The following PTPN3 variants were observed in gnomAD, a reference collection of about 807,000 sequenced individuals.
The protein encoded by PTPN3 is protein tyrosine phosphatase non-receptor type 3.
In PTPN3, 96 loss-of-function variants were observed where a neutral mutation model predicts 132.7. The observed-to-expected ratio is 0.72, with a 90% CI of 0.61 to 0.86. The LOEUF (loss-of-function observed/expected upper bound fraction) is 0.86. PTPN3 is among the 40% of genes least tolerant of loss of function. The pLI is 0.00. For missense variants in PTPN3, 1,125 were observed against 1,159.6 expected (o/e 0.97, Z 0.43); for synonymous variants, 398 against 429.0 (o/e 0.93, Z 0.89).
At chr9:109,449,680 T>A (rs1205658861) in intron 5 of PTPN3, 1 of 985,330 alleles carries the variant, frequency 1.0e-6, no homozygotes, top group Non-Finnish European at 1.2e-6. Flanking sequence ...CATGCTTTTT[T>A]AAACCCAGAT....
intron 19 of PTPN3, among the ~76,000 whole-genome samples, chr9:109,401,141 C>G (rs150830356): frequency 6.6e-6 from 1 of 152,224 alleles, no homozygotes; most frequent in African/African-American, 2.4e-5. Context: ...ATGAAGGAAA[C>G]GTGTACATGC....
chr9:109,400,476 T>C (rs1371218557), intron 19 of PTPN3, among the ~76,000 whole-genome samples: 1 of 152,200 alleles, frequency 6.6e-6, no homozygotes, highest in Non-Finnish European at 1.5e-5. Context: ...AGAGCCAGGA[T>C]TTAAAATCTG....
chr9:109,436,068 T>C (rs1401054777), intron 9 of PTPN3, among the ~76,000 whole-genome samples: 1 of 152,258 alleles, frequency 6.6e-6, no homozygotes, highest in African/African-American at 2.4e-5. Context: ...AAGGTTTCTA[T>C]GATCACAAGG....
chr9:109,494,168 T>A (rs1272438376), intron 1 of PTPN3, among the ~76,000 whole-genome samples: 10 of 152,216 alleles, frequency 6.6e-5, no homozygotes, highest in Non-Finnish European at 1.2e-4. Flanking sequence ...TCTGCATTAG[T>A]GAACACCAAG....
the PTPN3 span, among the ~76,000 whole-genome samples, chr9:109,506,850 G>A: frequency 3.9e-5 from 6 of 152,208 alleles, no homozygotes; most frequent in South Asian, 4.1e-4. Context: ...CATTCCTCCC[G>A]TCTTGGCTTC....
chr9:109,513,994 A>G, the PTPN3 span, among the ~76,000 whole-genome samples: 5 of 151,428 alleles, frequency 3.3e-5, no homozygotes, highest in East Asian at 1.9e-4. Context: ...TAACAGATCA[A>G]CTCCATCCTA....
intron 1 of PTPN3, among the ~76,000 whole-genome samples, chr9:109,466,629 AC>A: frequency 6.6e-6 from 1 of 152,160 alleles, no homozygotes; most frequent in Non-Finnish European, 1.5e-5. Flanking sequence ...TCTTGATAGG[AC>A]CCAAGAGTCT....
intron 22 of PTPN3, among the ~76,000 whole-genome samples, chr9:109,386,414 C>T (rs934864706): frequency 2.6e-5 from 4 of 152,184 alleles, no homozygotes; most frequent in Admixed American, 1.3e-4. Flanking sequence ...ATAAACATCC[C>T]TGAGGATGCA....
At chr9:109,536,452 A>G in the PTPN3 span, among the ~76,000 whole-genome samples, 1 of 152,240 alleles carries the variant, frequency 6.6e-6, no homozygotes, top group Non-Finnish European at 1.5e-5. Context: ...TTGTGTTACA[A>G]TAATAGAGTA....
intron 7 of PTPN3, among the ~76,000 whole-genome samples, chr9:109,443,371 C>T (rs1844629836): frequency 6.6e-6 from 1 of 152,030 alleles, no homozygotes; most frequent in African/African-American, 2.4e-5. Flanking sequence ...ACCACCATGC[C>T]CAGATAATTC....
intron 1 of PTPN3, among the ~76,000 whole-genome samples, chr9:109,474,714 G>C (rs1047280044): frequency 6.6e-6 from 1 of 152,170 alleles, no homozygotes; most frequent in Non-Finnish European, 1.5e-5. Flanking sequence ...CGAAATCTCA[G>C]GGCGGATAAG....
intron 4 of PTPN3, among the ~76,000 whole-genome samples, chr9:109,455,766 T>C (rs1845529357): frequency 6.6e-6 from 1 of 152,228 alleles, no homozygotes; most frequent in Non-Finnish European, 1.5e-5. Context: ...TATCATAGAA[T>C]GTCGAACCCT....
chr9:109,510,080 G>A, the PTPN3 span, among the ~76,000 whole-genome samples: 2 of 152,212 alleles, frequency 1.3e-5, no homozygotes, highest in African/African-American at 4.8e-5. Context: ...GCAGAGGGAA[G>A]TGTTGGTCCC....
intron 6 of PTPN3, 97 bp downstream of exon 6, chr9:109,448,714 T>C: frequency 8.1e-7 from 1 of 1,231,516 alleles, no homozygotes; most frequent in South Asian, 1.3e-5. Context: ...CCACTCTGTT[T>C]AGATTTGATA....
rs1838570625 is a variant in PTPN3, at chr9:109,376,490, C to T, written c.*3066G>A. The T allele has an allele frequency of 6.6e-6, 1 of 152,210 alleles. No individual in the cohort carries two copies. The highest frequency in any genetic ancestry group is 1.5e-5 in the Non-Finnish European group (1 of 68,048). The allele number at this position is 152,210 out of a possible 1,614,324, so 9.4% of individuals were successfully genotyped here. On this transcript the variant is annotated 3_prime_UTR_variant, in exon 26 of 26. Coordinates refer to ENST00000374541, the MANE Select transcript of PTPN3 (RefSeq NM_002829.4). The stretch of plus-strand genomic sequence containing the variant: ...AACTGTGTGATCCAACCACTGCCCC[C>T]TAACCAAAGTTGCATTTTTTTCTTC...
At chr9:109,453,613 A>T (rs1335367846) in intron 5 of PTPN3, among the ~76,000 whole-genome samples, 1 of 152,132 alleles carries the variant, frequency 6.6e-6, no homozygotes, top group African/African-American at 2.4e-5. Flanking sequence ...TCTTTCCCTT[A>T]TCTGGTTCAC....
chr9:109,428,871 T>C, intron 10 of PTPN3, 187 bp from the exon 11 acceptor site: 1 of 985,424 alleles, frequency 1.0e-6, no homozygotes, highest in Non-Finnish European at 1.2e-6. Context: ...AGTAGCTGAC[T>C]GAAGCTGAGC....
chr9:109,509,559 T>C, the PTPN3 span, among the ~76,000 whole-genome samples: 9 of 152,226 alleles, frequency 5.9e-5, no homozygotes, highest in Non-Finnish European at 8.8e-5. Context: ...TAGCACTTAC[T>C]GAGAGTGTGA....
chr9:109,382,192 G>T, intron 24 of PTPN3, 110 bp downstream of exon 24: 1 of 1,335,074 alleles, frequency 7.5e-7, no homozygotes, highest in Non-Finnish European at 1.0e-6. Context: ...AGGTTTGTAA[G>T]GGCACACGAC....
Sources: gnomAD v4.1 joint callset for allele counts (sites outside exome capture counted in the v4.1 genomes callset) on GRCh38, gnomAD v4.1.1 for gene constraint, MANE v1.5 for transcripts, NCBI Gene and HGNC (gene_info 2026-07-23, HGNC 2026-07-21) for gene names.